The following ZNF385D variants were observed in gnomAD, a reference collection of about 807,000 sequenced individuals.
The protein encoded by ZNF385D is zinc finger protein 385D.
A neutral mutation model predicts 35.8 loss-of-function variants in ZNF385D; 15 were observed. The ratio of observed to expected loss-of-function variants is 0.42; its 90% CI spans 0.28 to 0.64. The LOEUF (loss-of-function observed/expected upper bound fraction) is 0.64, where lower values mean the gene tolerates loss of function less well. Among genes scored for constraint, ZNF385D ranks in the 30% least tolerant of loss-of-function variants. The pLI is 0.23. For missense variants in ZNF385D, 474 were observed against 494.6 expected (o/e 0.96, Z 0.39); for synonymous variants, 212 against 186.8 (o/e 1.13, Z -1.10).
chr3:21,573,183 T>G (rs993557450), intron 2 of ZNF385D, among the ~76,000 whole-genome samples: 1 of 152,124 alleles, frequency 6.6e-6, no homozygotes, highest in African/African-American at 2.4e-5. Context: ...ACCCTCTAAA[T>G]CAATTAGGTT....
chr3:22,158,529 C>G (rs1705734964), intron 3 of ZNF385D, among the ~76,000 whole-genome samples: 1 of 152,030 alleles, frequency 6.6e-6, no homozygotes, highest in South Asian at 2.1e-4. Flanking sequence ...AATACTATCG[C>G]AATTTTGGAA....
chr3:22,096,190 A>G (rs1701613217), intron 3 of ZNF385D, among the ~76,000 whole-genome samples: 1 of 151,912 alleles, frequency 6.6e-6, no homozygotes, highest in Non-Finnish European at 1.5e-5. Context: ...GAAGGAGACA[A>G]GGGTTGAAAA....
chr3:22,316,972 C>T (rs1703922171), intron 2 of ZNF385D, among the ~76,000 whole-genome samples: 1 of 151,998 alleles, frequency 6.6e-6, no homozygotes, highest in Non-Finnish European at 1.5e-5. Context: ...AAGAAAGCTT[C>T]TTTCCAAAAG....
At chr3:22,340,654 T>C (rs1224252906) in intron 2 of ZNF385D, among the ~76,000 whole-genome samples, 1 of 151,842 alleles carries the variant, frequency 6.6e-6, no homozygotes, top group Non-Finnish European at 1.5e-5. Flanking sequence ...TCCAAAATAA[T>C]AATAATAAGA....
rs376704558 is a variant in ZNF385D at position 21,898,803 on chromosome 3, C to T, written c.326-233775G>A. Among the ~76,000 whole-genome samples, 12 of 152,204 alleles carry T rather than the reference C, an allele frequency of 7.9e-5. No individual in the cohort carries two copies. The East Asian group carries it at 1.2e-3, about 15-fold the overall frequency. Reference sequence around the variant, plus strand: ...TCCCCTGATAAAGCAAAGGCTACCACGACTCTCAGCATCACATTCATAAAG... The same window carrying T: ...TCCCCTGATAAAGCAAAGGCTACCATGACTCTCAGCATCACATTCATAAAG... On this transcript the variant is annotated intron_variant, in intron 3 of 5. Coordinates refer to the ZNF385D transcript ENST00000494108.
At chr3:22,231,511 C>G (rs1012691045) in intron 2 of ZNF385D, among the ~76,000 whole-genome samples, 5 of 152,146 alleles carry the variant, frequency 3.3e-5, no homozygotes, top group African/African-American at 7.2e-5. Flanking sequence ...GCCGTCTGAA[C>G]AGCTTTCTTC....
chr3:21,570,770 G>T (rs148383183), intron 2 of ZNF385D, among the ~76,000 whole-genome samples: 2 of 152,008 alleles, frequency 1.3e-5, no homozygotes, highest in Non-Finnish European at 2.9e-5. Flanking sequence ...ACCCCTGTGC[G>T]TCTCTCAGGC....
intron 2 of ZNF385D, among the ~76,000 whole-genome samples, chr3:21,644,463 C>G (rs1329339787): frequency 6.6e-6 from 1 of 152,100 alleles, no homozygotes; most frequent in African/African-American, 2.4e-5. Context: ...TGCCAGTTAA[C>G]CTCACGTGAA....
chr3:21,868,031 C>G (rs1308572525), intron 3 of ZNF385D, among the ~76,000 whole-genome samples: 1 of 152,050 alleles, frequency 6.6e-6, no homozygotes. Context: ...GTAACAGTAA[C>G]TAAAATATAT....
rs1042856929 is a variant in ZNF385D, at chr3:22,002,420, G to T, written c.325+166397C>A. Among the ~76,000 whole-genome samples the T allele has an allele frequency of 3.3e-5, 5 of 152,060 alleles. No individual in the cohort carries two copies. In the East Asian group the frequency reaches 9.6e-4, roughly 29 times the overall value. On this transcript the variant is annotated intron_variant, in intron 3 of 5. Transcript: ENST00000494108. ...TGAACAAACTAATAACAAGAAGCAAGATTGAATTGGTAGTAAAAAGTCTTC... is the reference window on the plus strand; with the variant it reads ...TGAACAAACTAATAACAAGAAGCAATATTGAATTGGTAGTAAAAAGTCTTC...
chr3:22,067,257 G>T (rs896112609), intron 3 of ZNF385D, among the ~76,000 whole-genome samples: 1 of 152,144 alleles, frequency 6.6e-6, no homozygotes, highest in African/African-American at 2.4e-5. Context: ...GACATTAAGG[G>T]CAACCTGTCA....
intron 3 of ZNF385D, among the ~76,000 whole-genome samples, chr3:21,782,381 C>A (rs1430544633): frequency 2.0e-5 from 3 of 152,040 alleles, no homozygotes; most frequent in African/African-American, 7.2e-5. Flanking sequence ...TTAAATATTT[C>A]TTTTATAAAT....
At chr3:21,936,489 A>C (rs1033063181) in intron 3 of ZNF385D, among the ~76,000 whole-genome samples, 40 of 152,036 alleles carry the variant, frequency 2.6e-4, no homozygotes, top group Non-Finnish European at 3.2e-4. Context: ...TCTGTGAGAT[A>C]AACAATTTAA....
intron 2 of ZNF385D, among the ~76,000 whole-genome samples, chr3:21,663,259 A>G (rs2066291427): frequency 6.6e-6 from 1 of 152,196 alleles, no homozygotes; most frequent in Non-Finnish European, 1.5e-5. Flanking sequence ...CACATCACTC[A>G]TCTTTGTTTT....
At chr3:22,171,171 G>A (rs1364122085) in intron 2 of ZNF385D, among the ~76,000 whole-genome samples, 11 of 152,222 alleles carry the variant, frequency 7.2e-5, no homozygotes, top group Admixed American at 6.5e-5. Context: ...TTCCTCCAGC[G>A]TGAACAGCTT....
intron 3 of ZNF385D, among the ~76,000 whole-genome samples, chr3:21,552,330 T>G (rs1292555703): frequency 1.3e-5 from 2 of 152,158 alleles, no homozygotes; most frequent in Non-Finnish European, 2.9e-5. Flanking sequence ...GTCTAAATAT[T>G]TTGTAAAATT....
chr3:21,660,270 T>A (rs1243259973), intron 2 of ZNF385D, among the ~76,000 whole-genome samples: 1 of 151,556 alleles, frequency 6.6e-6, no homozygotes, highest in Non-Finnish European at 1.5e-5. Flanking sequence ...CAAAGCTAGC[T>A]AAAGCAAAAG....
intron 3 of ZNF385D, among the ~76,000 whole-genome samples, chr3:21,929,274 A>G (rs1700888623): frequency 6.6e-6 from 1 of 152,100 alleles, no homozygotes; most frequent in South Asian, 2.1e-4. Flanking sequence ...CTCATTTATC[A>G]TAAAACTCTC....
Position 21,465,925 on chromosome 3 carries a change from C to T in ZNF385D, c.440-28722G>A, listed in dbSNP as rs1316690753. Among the ~76,000 whole-genome samples the T allele has an allele frequency of 6.6e-6, 1 of 152,118 alleles. No individual in the cohort carries two copies. Among genetic ancestry groups the T allele is most frequent in the Non-Finnish European group, 1.5e-5 (1 of 68,004 alleles). The stretch of plus-strand genomic sequence containing the variant: ...TGCCGTGAGCACAAATAGAGATGCT[C>T]TTCTGCTGCATAAATGTGCTAGGCA... On this transcript the variant is annotated intron_variant, in intron 4 of 7. Transcript: ENST00000281523. This position sits in a 1 kb window ranked among gnomAD's most constrained non-coding sequence, Gnocchi z 4.2.
Sources: allele counts gnomAD v4.1 joint callset (sites outside exome capture counted in the v4.1 genomes callset), GRCh38; gene constraint gnomAD v4.1.1; non-coding constraint Gnocchi (gnomAD v3.1); transcripts MANE v1.5; gene names NCBI Gene and HGNC (gene_info 2026-07-23, HGNC 2026-07-21).